Variants in RALGPS2 observed in about 807,000 individuals in gnomAD.
The protein encoded by RALGPS2 is ras-specific guanine nucleotide-releasing factor RalGPS2.
In RALGPS2, 43 loss-of-function variants were observed where a neutral mutation model predicts 86.8. The observed-to-expected ratio is 0.50, with a 90% confidence interval of 0.39 to 0.64. RALGPS2 has a LOEUF of 0.64. Ranked by LOEUF, RALGPS2 falls within the 30% of genes least tolerant of loss-of-function variation. The pLI, the probability that RALGPS2 is intolerant of heterozygous loss-of-function variation, is 0.00. For missense variants in RALGPS2, 536 were observed against 694.6 expected (o/e 0.77, Z 2.57); for synonymous variants, 243 against 231.3 (o/e 1.05, Z -0.46).
At chr1:178,769,129 G>C (rs1652657817) in intron 1 of RALGPS2, among the ~76,000 whole-genome samples, 1 of 152,140 alleles carries the variant, frequency 6.6e-6, no homozygotes, top group Non-Finnish European at 1.5e-5. Context: ...TGAGTGCTTT[G>C]AATGCCTGGA....
intron 1 of RALGPS2, among the ~76,000 whole-genome samples, chr1:178,748,743 C>T (rs1651481601): frequency 2.6e-5 from 4 of 151,646 alleles, no homozygotes; most frequent in Non-Finnish European, 4.4e-5. Flanking sequence ...ATCCCAGCTA[C>T]TCAGGAGGCT....
intron 10 of RALGPS2, chr1:178,879,218 A>G (rs936084743): frequency 1.4e-5 from 6 of 440,436 alleles, no homozygotes; most frequent in Non-Finnish European, 1.1e-5. Context: ...CTCTGTTTGT[A>G]GAGAGCTAAC....
chr1:178,741,747 AAAAG>A (rs1325169989), intron 1 of RALGPS2, among the ~76,000 whole-genome samples: 3 of 152,204 alleles, frequency 2.0e-5, no homozygotes, highest in African/African-American at 7.2e-5. Context: ...AAAGAGAAAA[AAAAG>A]GGACAAATGT....
intron 1 of RALGPS2, among the ~76,000 whole-genome samples, chr1:178,731,689 A>G (rs1174567093): frequency 1.3e-5 from 2 of 152,056 alleles, no homozygotes; most frequent in African/African-American, 2.4e-5. Flanking sequence ...TATATCTGCT[A>G]TGTCCCTGAT....
At chr1:178,893,209 A>T (rs1659790482) in intron 15 of RALGPS2, among the ~76,000 whole-genome samples, 1 of 151,750 alleles carries the variant, frequency 6.6e-6, no homozygotes. Context: ...CCTTAAATCA[A>T]TTAGGGAAAG....
rs1192241042 is a variant in RALGPS2 at position 178,885,869 on chromosome 1, A to G, written c.1041-100A>G. On this transcript the variant is annotated intron_variant, in intron 12 of 19. Coordinates refer to ENST00000367635, the MANE Select transcript of RALGPS2 (RefSeq NM_152663.5). ...GCTTTTATGGTAAGATCTGAGTATG[A>G]CAGTTAGGTAAATCTTTTATGTCCT... 6.7e-6 allele frequency: 7 copies of G among 1,038,806 alleles called. No homozygotes were observed. In the Admixed American group the frequency reaches 1.9e-4, roughly 28 times the overall value. 64.3% of individuals were successfully genotyped at this position (1,038,806 alleles called of 1,614,324 possible). A position where few individuals can be genotyped will look rare whatever the true frequency, so the allele number is the denominator to read the frequency against.
chr1:178,860,036 G>A (rs549223910), intron 8 of RALGPS2, among the ~76,000 whole-genome samples: 1 of 152,048 alleles, frequency 6.6e-6, no homozygotes, highest in African/African-American at 2.4e-5. Context: ...TTACAAAAGA[G>A]GCAACTGGAC....
intron 8 of RALGPS2, among the ~76,000 whole-genome samples, chr1:178,860,634 A>G (rs1294060198): frequency 2.6e-5 from 4 of 152,168 alleles, no homozygotes; most frequent in African/African-American, 9.7e-5. Context: ...CCACAATTCT[A>G]CTTTCTGTCT....
intron 8 of RALGPS2, among the ~76,000 whole-genome samples, chr1:178,833,966 T>G (rs1010414897): frequency 2.0e-5 from 3 of 152,172 alleles, no homozygotes; most frequent in Admixed American, 2.0e-4. Flanking sequence ...GTTGTTTACC[T>G]GAATGAAATG....
intron 8 of RALGPS2, chr1:178,852,808 A>G: frequency 6.2e-7 from 1 of 1,613,930 alleles, no homozygotes; most frequent in Non-Finnish European, 8.5e-7. Context: ...TTCAGGTTCC[A>G]GACGAAAGCT....
At chr1:178,837,275 A>G (rs1352650023) in intron 8 of RALGPS2, among the ~76,000 whole-genome samples, 1 of 152,170 alleles carries the variant, frequency 6.6e-6, no homozygotes, top group Non-Finnish European at 1.5e-5. Flanking sequence ...TAAAATACTG[A>G]TTCATTAAGT....
chr1:178,735,431 CTTT>C (rs565080292), intron 1 of RALGPS2, among the ~76,000 whole-genome samples: 12 of 134,414 alleles, frequency 8.9e-5, no homozygotes, highest in Non-Finnish European at 1.3e-4. Context: ...TTTTTCTTTT[CTTT>C]TTTTTTTTTT....
intron 1 of RALGPS2, among the ~76,000 whole-genome samples, chr1:178,734,839 A>G (rs1331501343): frequency 6.6e-6 from 1 of 152,256 alleles, no homozygotes; most frequent in Admixed American, 6.5e-5. Context: ...GATAGCATGT[A>G]TAGCAAGATC....
chr1:178,875,024 A>T (rs1165328637), intron 8 of RALGPS2, among the ~76,000 whole-genome samples: 2 of 151,934 alleles, frequency 1.3e-5, no homozygotes, highest in African/African-American at 4.9e-5. Flanking sequence ...GTCAAGGGAG[A>T]ATTCAAAGTA....
At chr1:178,859,053 T>G (rs1657779760) in intron 8 of RALGPS2, among the ~76,000 whole-genome samples, 1 of 152,188 alleles carries the variant, frequency 6.6e-6, no homozygotes, top group South Asian at 2.1e-4. Context: ...GACAAATACT[T>G]TCTGAAGTGA....
chr1:178,838,191 CAG>C (rs1331597759), intron 8 of RALGPS2, among the ~76,000 whole-genome samples: 1 of 152,200 alleles, frequency 6.6e-6, no homozygotes, highest in African/African-American at 2.4e-5. Flanking sequence ...TCTCGCAGCA[CAG>C]AGTTTGAGAT....
At chr1:178,764,009 A>G (rs189649278) in intron 1 of RALGPS2, among the ~76,000 whole-genome samples, 41 of 152,040 alleles carry the variant, frequency 2.7e-4, no homozygotes, top group African/African-American at 6.8e-4. Flanking sequence ...TGTTAGGTCT[A>G]TTTGATCAAG....
intron 1 of RALGPS2, among the ~76,000 whole-genome samples, chr1:178,765,827 A>G (rs569734614): frequency 1.8e-4 from 28 of 152,246 alleles, no homozygotes; most frequent in South Asian, 1.5e-3. Context: ...TACTTCTCCT[A>G]TTTGCTTTTG....
intron 11 of RALGPS2, among the ~76,000 whole-genome samples, chr1:178,883,878 A>G (rs950068841): frequency 1.9e-4 from 29 of 151,980 alleles, no homozygotes; most frequent in African/African-American, 7.0e-4. Context: ...AGTCCCAGCT[A>G]CTCAGGAGGC....
Sources: gnomAD v4.1 joint callset for allele counts (sites outside exome capture counted in the v4.1 genomes callset) on GRCh38, gnomAD v4.1.1 for gene constraint, MANE v1.5 for transcripts, NCBI Gene and HGNC (gene_info 2026-07-23, HGNC 2026-07-21) for gene names.